NBEA: variants seen among roughly 807,000 people sequenced by gnomAD.
The protein encoded by NBEA is lysosomal-trafficking regulator 2.
A neutral mutation model predicts 343.4 loss-of-function variants in NBEA; 44 were observed. That is an observed-to-expected ratio of 0.13 (90% CI 0.10 to 0.16). NBEA has a LOEUF of 0.16. NBEA is among the 10% of genes least tolerant of loss of function. The pLI, the probability that NBEA is intolerant of heterozygous loss-of-function variation, is 1.00. For synonymous variants in NBEA, 1,175 were observed against 1,238.7 expected, an observed-to-expected ratio of 0.95 and a Z score of 1.08; for missense variants, 2,555 against 3,631.3, an observed-to-expected ratio of 0.70 and a Z score of 7.62.
intron 17 of NBEA, among the ~76,000 whole-genome samples, chr13:35,129,865 C>T (rs2067320257): frequency 6.6e-6 from 1 of 151,796 alleles, no homozygotes. Context: ...GGAAGTTAGC[C>T]ATATAATATT....
At position 35,672,241 on chromosome 13, in the gene NBEA, T is replaced by C. The variant is rs2085642674; in HGVS notation, c.*1250T>C. ...GACTGTATCGTCATAGATGTACATA[T>C]TGTGTCGGTAGGGCTATGAGGCATG... On this transcript the variant is annotated 3_prime_UTR_variant, in exon 59 of 59. Coordinates refer to ENST00000379939, the MANE Select transcript of NBEA (RefSeq NM_001385012.1). 1 of 152,648 alleles carries C rather than the reference T, an allele frequency of 6.6e-6. No homozygotes were observed. The highest frequency in any genetic ancestry group is 1.5e-5 in the Non-Finnish European group (1 of 68,048). 9.5% of individuals were successfully genotyped at this position (152,648 alleles called of 1,614,324 possible).
At chr13:35,510,418 A>G (rs1234921446) in intron 41 of NBEA, among the ~76,000 whole-genome samples, 1 of 152,052 alleles carries the variant, frequency 6.6e-6, no homozygotes, top group African/African-American at 2.4e-5. Flanking sequence ...TTTTGACTTA[A>G]TTTTTCAGCT....
intron 38 of NBEA, among the ~76,000 whole-genome samples, chr13:35,421,724 T>C (rs906135322): frequency 6.6e-6 from 1 of 152,138 alleles, no homozygotes; most frequent in Admixed American, 6.6e-5. Context: ...ATAAATATTC[T>C]GTTTTTTACT....
intron 10 of NBEA, among the ~76,000 whole-genome samples, chr13:35,097,374 A>C (rs2065390469): frequency 6.6e-6 from 1 of 151,900 alleles, no homozygotes; most frequent in Non-Finnish European, 1.5e-5. Context: ...GAATATAAAT[A>C]GGTAATTTAT....
At chr13:35,376,397 T>C (rs968811808) in intron 38 of NBEA, among the ~76,000 whole-genome samples, 5 of 152,198 alleles carry the variant, frequency 3.3e-5, no homozygotes, top group Admixed American at 3.3e-4. Flanking sequence ...AATGTTTTCA[T>C]AAGCCTGAAT....
chr13:35,314,995 C>T (rs1431507846), intron 36 of NBEA, among the ~76,000 whole-genome samples: 1 of 152,216 alleles, frequency 6.6e-6, no homozygotes, highest in African/African-American at 2.4e-5. Flanking sequence ...TATCTTCCTA[C>T]TGTATGTTGA....
chr13:35,060,990 A>G (rs1183297766), intron 8 of NBEA, among the ~76,000 whole-genome samples: 1 of 151,740 alleles, frequency 6.6e-6, no homozygotes, highest in Non-Finnish European at 1.5e-5. Context: ...CTTAAGTTAT[A>G]TGGAACTTTC....
chr13:35,226,853 A>T (rs1367388314), intron 33 of NBEA, among the ~76,000 whole-genome samples: 1 of 152,186 alleles, frequency 6.6e-6, no homozygotes, highest in East Asian at 1.9e-4. Context: ...TTCCTGCCTC[A>T]GCTTCCTAAG....
intron 1 of NBEA, among the ~76,000 whole-genome samples, chr13:35,019,715 A>G (rs997666124): frequency 6.6e-6 from 1 of 152,160 alleles, no homozygotes; most frequent in Non-Finnish European, 1.5e-5. Flanking sequence ...TAGATTGGCT[A>G]TTTATTCTTA....
intron 34 of NBEA, among the ~76,000 whole-genome samples, chr13:35,233,586 T>A (rs1593860098): frequency 6.6e-6 from 1 of 152,270 alleles, no homozygotes; most frequent in East Asian, 1.9e-4. Flanking sequence ...AAGATTAAAT[T>A]ATGCAAGGCA....
intron 1 of NBEA, among the ~76,000 whole-genome samples, chr13:34,965,866 T>C (rs142910193): frequency 9.9e-5 from 15 of 152,032 alleles, no homozygotes; most frequent in Non-Finnish European, 2.2e-4. Context: ...AATTATCTGT[T>C]GTTGTTTGTT....
chr13:35,600,780 G>C (rs931160636), intron 47 of NBEA, among the ~76,000 whole-genome samples: 7 of 152,132 alleles, frequency 4.6e-5, no homozygotes, highest in African/African-American at 1.7e-4. Context: ...ATGTAAGGTA[G>C]CATTTCCCTG....
In NBEA at chr13:35,242,054, A is replaced by G. The variant is rs555721700; in HGVS notation, c.5776+9435A>G. ...ATAGTTCATGCAAAGGAACAAAACA[A>G]CTTCCAGAAACCACGTTTAAAGAAA... On this transcript the variant is annotated intron_variant, in intron 34 of 58. Coordinates refer to ENST00000379939, the MANE Select transcript of NBEA (RefSeq NM_001385012.1). Among the ~76,000 whole-genome samples, 3 of 152,016 alleles carry G rather than the reference A, an allele frequency of 2.0e-5. No individual in the cohort carries two copies. In the East Asian group the frequency reaches 5.8e-4, roughly 29 times the overall value.
At position 35,086,043 on chromosome 13, in the gene NBEA, A is replaced by G. The variant is rs538971420; in HGVS notation, c.1572-12254A>G. Among the ~76,000 whole-genome samples the G allele has an allele frequency of 2.6e-5, 4 of 152,288 alleles. No individual in the cohort carries two copies. The East Asian group carries it at 7.7e-4, about 29-fold the overall frequency. ...GCAAGGGACGTGAAGGACCTCTTCA[A>G]GGAGAACTACAAACCACTGCTCAAT... is the stretch of plus-strand genomic sequence containing the variant. On this transcript the variant is annotated intron_variant, in intron 10 of 58. Coordinates refer to ENST00000379939, the MANE Select transcript of NBEA (RefSeq NM_001385012.1).
chr13:35,442,586 A>G (rs1003624748), intron 39 of NBEA, among the ~76,000 whole-genome samples: 2 of 152,162 alleles, frequency 1.3e-5, no homozygotes, highest in African/African-American at 4.8e-5. Context: ...ATACTTATAT[A>G]GTGCTTCACT....
intron 36 of NBEA, among the ~76,000 whole-genome samples, chr13:35,316,738 G>A (rs939777566): frequency 1.3e-4 from 20 of 152,122 alleles, no homozygotes; most frequent in Admixed American, 2.6e-4. Flanking sequence ...GTGTAACAGC[G>A]TTCCTATTTC....
At chr13:35,058,112 T>G (rs1471442897) in intron 7 of NBEA, among the ~76,000 whole-genome samples, 2 of 152,034 alleles carry the variant, frequency 1.3e-5, no homozygotes, top group African/African-American at 4.8e-5. Context: ...TCTTCAGTGC[T>G]GAATTCCTCT....
At chr13:35,201,480 C>A (rs778665945) in intron 31 of NBEA, among the ~76,000 whole-genome samples, 7 of 151,960 alleles carry the variant, frequency 4.6e-5, no homozygotes, top group African/African-American at 7.2e-5. Flanking sequence ...GAATCAGTAA[C>A]AAATTATTTT....
rs562260883 is a variant in NBEA at position 35,191,696 on chromosome 13, A to T, written c.4928-4168A>T. On this transcript the variant is annotated intron_variant, in intron 30 of 58. Transcript: ENST00000379939. The stretch of plus-strand genomic sequence containing the variant: ...TTATGTTTCATTTTAAATTACAGTG[A>T]TTTAGTTTGCTTATATTATTATTTG... Among the ~76,000 whole-genome samples the T allele has an allele frequency of 3.1e-4, 47 of 152,098 alleles. No homozygotes were observed. The South Asian group carries it at 8.7e-3, about 28-fold the overall frequency.
Sources: allele counts gnomAD v4.1 joint callset (sites outside exome capture counted in the v4.1 genomes callset), GRCh38; gene constraint gnomAD v4.1.1; transcripts MANE v1.5; gene names NCBI Gene and HGNC (gene_info 2026-07-23, HGNC 2026-07-21).